The following CRY2 variants were observed in gnomAD, a reference collection of about 807,000 sequenced individuals.
The protein encoded by CRY2 is cryptochrome circadian regulator 2, also known as cryptochrome-2.
A neutral mutation model predicts 69.5 loss-of-function variants in CRY2; 31 were observed. The ratio of observed to expected loss-of-function variants is 0.45; its 90% CI spans 0.34 to 0.60. CRY2 has a LOEUF of 0.60. Among genes scored for constraint, CRY2 ranks in the 20% least tolerant of loss-of-function variants. CRY2 has a pLI of 0.02. For missense variants in CRY2, 606 were observed against 797.8 expected, an observed-to-expected ratio of 0.76 and a Z score of 2.90; for synonymous variants, 303 against 312.2, an observed-to-expected ratio of 0.97 and a Z score of 0.31.
At chr11:45,867,777 T>C in intron 6 of CRY2, 25 bp downstream of exon 6, 1 of 1,613,886 alleles carries the variant, frequency 6.2e-7, no homozygotes, top group South Asian at 1.1e-5. Context: ...CCTGCCCACA[T>C]TGCACCTAAG....
intron 5 of CRY2, among the ~76,000 whole-genome samples, chr11:45,865,780 T>G (rs913308999): frequency 6.6e-6 from 1 of 152,210 alleles, no homozygotes; most frequent in Non-Finnish European, 1.5e-5. Context: ...TGGAAAGGCC[T>G]GGGTGCTGGG....
In CRY2 at chr11:45,867,592, A is replaced by G; in HGVS notation, c.742-20A>G. On this transcript the variant is annotated intron_variant, in intron 5 of 11. Transcript: ENST00000616080. ...TTACATCCAAGCCTTTCCTTTTGCC[A>G]CCTTCTCTTTCTGCTGTAGGCCTGG... The G allele has an allele frequency of 6.2e-7, 1 of 1,613,816 alleles. No individual in the cohort carries two copies. Among genetic ancestry groups the G allele is most frequent in the Non-Finnish European group, 8.5e-7 (1 of 1,179,846 alleles).
At chr11:45,879,030 G>C (rs1342741635) in intron 11 of CRY2, among the ~76,000 whole-genome samples, 2 of 149,672 alleles carry the variant, frequency 1.3e-5, no homozygotes, top group African/African-American at 4.9e-5. Context: ...AGGAGTTAGA[G>C]ACCAGCCTGA....
At chr11:45,869,249 C>G (rs1249561404) in intron 6 of CRY2, among the ~76,000 whole-genome samples, 2 of 152,234 alleles carry the variant, frequency 1.3e-5, no homozygotes, top group Non-Finnish European at 2.9e-5. Context: ...AGTGCAGAGT[C>G]CTGTGGTGAG....
At chr11:45,869,287 A>G (rs2086355251) in intron 6 of CRY2, among the ~76,000 whole-genome samples, 1 of 152,190 alleles carries the variant, frequency 6.6e-6, no homozygotes, top group Non-Finnish European at 1.5e-5. Context: ...GGCCCTCTGT[A>G]GCTTTCTTCT....
chr11:45,883,006 GGTAT>G lies in CRY2; in HGVS notation c.*2098_*2101del, dbSNP rs1699626165. On this transcript the variant is annotated 3_prime_UTR_variant, in exon 12 of 12. Coordinates refer to ENST00000616080, the MANE Select transcript of CRY2 (RefSeq NM_021117.5). ...CAAGAGGGAAGGGCAGGGTAGAGAG[GGTAT>G]GTCCAGTAGCCTGGAGCTCCATGGT... is the stretch of plus-strand genomic sequence containing the variant. 3.1e-6 allele frequency: 1 copy of G among 320,140 alleles called. No individual in the cohort carries two copies. Among genetic ancestry groups the G allele is most frequent in the Admixed American group, 5.0e-5 (1 of 20,118 alleles). 19.8% of individuals were successfully genotyped at this position (320,140 alleles called of 1,614,324 possible).
chr11:45,856,219 G>T, intron 2 of CRY2, 129 bp downstream of exon 2: 1 of 784,610 alleles, frequency 1.3e-6, no homozygotes, highest in Non-Finnish European at 2.1e-6. Flanking sequence ...TGCTGCTAGA[G>T]AAGTTGGGAG....
rs578152200 is a variant in CRY2 at position 45,861,019 on chromosome 11, C to T, written c.639C>T (p.Ser213=). Residue 213 remains serine (S), a synonymous_variant, in exon 4 of 12, where the codon TCC becomes TCT. Coordinates refer to ENST00000616080, the MANE Select transcript of CRY2 (RefSeq NM_021117.5). ...ENHDETYGVP[S]LEELGFPTEG... ...ACGACGAGACCTACGGCGTGCCCTC[C>T]CTGGAGGAGCTGGGTGCGTACTTCC... 2 of 1,612,660 alleles carry T rather than the reference C, an allele frequency of 1.2e-6. No homozygotes were observed. The highest frequency in any genetic ancestry group is 4.5e-5 in the East Asian group (2 of 44,866).
rs369560580 is a variant in CRY2 at position 45,860,892 on chromosome 11, G to A, written c.512G>A (p.Arg171His). The A allele has an allele frequency of 1.1e-5, 18 of 1,614,014 alleles. No individual in the cohort carries two copies. Among genetic ancestry groups the A allele is most frequent in the Middle Eastern group, 1.6e-4 (1 of 6,082 alleles). ...CAGAAGCCACCCCTTACATACAAGC[G>A]CTTTCAGGCCATCATCAGCCGCATG... ...NGQKPPLTYK[R>H]FQAIISRMEL... The change falls in exon 4 of 12, where the codon CGC becomes CAC. Residue 171 changes from arginine to histidine, a missense_variant. Coordinates refer to ENST00000616080, the MANE Select transcript of CRY2 (RefSeq NM_021117.5).
rs530143714 is a variant in CRY2 at position 45,872,232 on chromosome 11, G to A, written c.*1G>A. ...AGAGCTGCCGAGCAAGGATGCCTGA[G>A]AGTGAGTGACAGCAGCCTAGATTCA... On this transcript the variant is annotated splice_region_variant and 3_prime_UTR_variant, in exon 11 of 12. Coordinates refer to ENST00000616080, the MANE Select transcript of CRY2 (RefSeq NM_021117.5). 1.0e-4 allele frequency: 162 copies of A among 1,613,954 alleles called. 2 individuals carry two copies. The South Asian group carries it at 1.7e-3, about 17-fold the overall frequency.
At chr11:45,847,370 G>T (rs953816928), upstream of CRY2, 4 of 1,599,546 alleles carry the variant, frequency 2.5e-6, no homozygotes, top group African/African-American at 1.3e-5. Flanking sequence ...GGGGCTCTGG[G>T]GCCCTGTGGG....
intron 11 of CRY2, among the ~76,000 whole-genome samples, chr11:45,873,770 C>T (rs1209239374): frequency 2.0e-4 from 31 of 152,182 alleles, no homozygotes; most frequent in Admixed American, 2.0e-3. Context: ...ACTATACAAG[C>T]TTAGCAGAAG....
intron 11 of CRY2, among the ~76,000 whole-genome samples, chr11:45,873,052 C>T (rs575448962): frequency 2.6e-5 from 4 of 152,320 alleles, no homozygotes; most frequent in African/African-American, 7.2e-5. Flanking sequence ...CTCAGCTCTG[C>T]ACCTCCCTGG....
intron 1 of CRY2, among the ~76,000 whole-genome samples, 162 bp from the exon 2 acceptor site, chr11:45,855,820 C>T (rs1159374265): frequency 6.6e-6 from 1 of 152,208 alleles, no homozygotes; most frequent in Non-Finnish European, 1.5e-5. Context: ...CGCTGATCCA[C>T]TACCACATCC....
At chr11:45,877,835 A>G (rs2086435535) in intron 11 of CRY2, among the ~76,000 whole-genome samples, 1 of 152,206 alleles carries the variant, frequency 6.6e-6, no homozygotes, top group Admixed American at 6.5e-5. Context: ...TCTGCTGATC[A>G]AGCAGCTCGA....
chr11:45,847,279 A>C (rs770082399), upstream of CRY2: 15 of 1,543,962 alleles, frequency 9.7e-6, no homozygotes, highest in African/African-American at 9.6e-5. Context: ...GGACCCACAC[A>C]TGGTAGGAAC....
chr11:45,877,712 C>G (rs1366161610), intron 11 of CRY2, among the ~76,000 whole-genome samples: 2 of 152,210 alleles, frequency 1.3e-5, no homozygotes, highest in Admixed American at 1.3e-4. Flanking sequence ...CTTCCCTTCC[C>G]TTTAGTCCTG....
intron 3 of CRY2, among the ~76,000 whole-genome samples, chr11:45,859,764 C>T (rs899910763): frequency 2.0e-5 from 3 of 152,090 alleles, no homozygotes; most frequent in African/African-American, 4.8e-5. Context: ...CCAGAGCTGT[C>T]ACCCTCCTGC....
chr11:45,867,599 C>CT lies in CRY2; in HGVS notation c.742-10dup. 1 of 1,614,102 alleles carries CT rather than the reference C, an allele frequency of 6.2e-7. No homozygotes were observed. Among genetic ancestry groups the CT allele is most frequent in the South Asian group, 1.1e-5 (1 of 91,086 alleles). Reference sequence around the variant, plus strand: ...CAAGCCTTTCCTTTTGCCACCTTCTCTTTCTGCTGTAGGCCTGGGTTGCCA... The same window carrying CT: ...CAAGCCTTTCCTTTTGCCACCTTCTCTTTTCTGCTGTAGGCCTGGGTTGCCA... On this transcript the variant is annotated splice_polypyrimidine_tract_variant and intron_variant, in intron 5 of 11. Transcript: ENST00000616080.
Sources: gnomAD v4.1 joint callset for allele counts (sites outside exome capture counted in the v4.1 genomes callset) on GRCh38, gnomAD v4.1.1 for gene constraint, MANE v1.5 for transcripts, NCBI Gene and HGNC (gene_info 2026-07-23, HGNC 2026-07-21) for gene names.